Variants in CCDC102B observed in about 807,000 individuals in gnomAD.
The protein encoded by CCDC102B is coiled-coil domain containing 102B.
In CCDC102B, 75 loss-of-function variants were observed where a neutral mutation model predicts 57.4. The observed-to-expected ratio is 1.31, with a 90% confidence interval of 1.08 to 1.58. The LOEUF (loss-of-function observed/expected upper bound fraction) is 1.58. Among genes scored for constraint, CCDC102B ranks in the 40% most tolerant of loss-of-function variants. The probability of loss-of-function intolerance (pLI) is 0.00; values close to 1 mark genes in which losing one functional copy is unlikely to be tolerated. For missense variants in CCDC102B, 636 were observed against 582.6 expected, an observed-to-expected ratio of 1.09 and a Z score of -0.94; for synonymous variants, 206 against 201.9, an observed-to-expected ratio of 1.02 and a Z score of -0.17.
Position 68,860,453 on chromosome 18 carries a change from T to TA in CCDC102B, c.936+14041dup, listed in dbSNP as rs1243003803. Among the ~76,000 whole-genome samples the TA allele has an allele frequency of 1.8e-3, 122 of 68,402 alleles. 4 individuals carry two copies. Among genetic ancestry groups the TA allele is most frequent in the African/African-American group, 4.6e-3 (110 of 24,132 alleles). 44.9% of individuals were successfully genotyped at this position (68,402 alleles called of 152,430 possible). A position where few individuals can be genotyped will look rare whatever the true frequency, so the allele number is the denominator to read the frequency against. Reference sequence around the variant, plus strand: ...TGTACCCTAAAACTTAAAGTATAATTAAAAAAAAACAAAAACAAAAACAAA... The same window carrying TA: ...TGTACCCTAAAACTTAAAGTATAATTAAAAAAAAAACAAAAACAAAAACAAA... On this transcript the variant is annotated intron_variant, in intron 4 of 7. Coordinates refer to ENST00000360242, the MANE Select transcript of CCDC102B (RefSeq NM_024781.3).
intron 1 of CCDC102B, among the ~76,000 whole-genome samples, chr18:68,805,366 G>A (rs1026529604): frequency 1.2e-4 from 18 of 152,166 alleles, no homozygotes; most frequent in Non-Finnish European, 8.8e-5. Flanking sequence ...AGTGAGACCA[G>A]ATAGCAATGG....
chr18:68,804,690 G>T (rs2035971045), intron 1 of CCDC102B, among the ~76,000 whole-genome samples: 1 of 152,112 alleles, frequency 6.6e-6, no homozygotes, highest in South Asian at 2.1e-4. Context: ...GCCTGGAATT[G>T]ACCATTAGAT....
intron 4 of CCDC102B, among the ~76,000 whole-genome samples, chr18:68,872,104 T>C (rs1231271348): frequency 6.6e-6 from 1 of 152,120 alleles, no homozygotes; most frequent in Admixed American, 6.6e-5. Context: ...AAGGATGGTA[T>C]TGCCATTTAC....
intron 7 of CCDC102B, among the ~76,000 whole-genome samples, chr18:69,016,232 C>T (rs566842294): frequency 8.6e-5 from 13 of 151,994 alleles, no homozygotes; most frequent in East Asian, 5.8e-4. Flanking sequence ...TCAAAATAAC[C>T]GACCACTTTA....
chr18:68,790,637 C>G (rs2035420102), intron 2 of CCDC102B, among the ~76,000 whole-genome samples: 1 of 152,196 alleles, frequency 6.6e-6, no homozygotes, highest in African/African-American at 2.4e-5. Context: ...AAAGGGAACT[C>G]CCTGACCCCT....
chr18:69,032,181 C>G (rs1432288980), intron 7 of CCDC102B, among the ~76,000 whole-genome samples: 1 of 152,048 alleles, frequency 6.6e-6, no homozygotes, highest in Non-Finnish European at 1.5e-5. Context: ...AGGCACATAG[C>G]CCAGTACTCT....
At chr18:68,899,397 A>G (rs929756312) in intron 6 of CCDC102B, among the ~76,000 whole-genome samples, 3 of 152,102 alleles carry the variant, frequency 2.0e-5, no homozygotes, top group East Asian at 1.9e-4. Context: ...TTATATGTAT[A>G]TAACTACCAT....
In CCDC102B at chr18:69,011,105, G is replaced by A. The variant is rs926121228; in HGVS notation, c.1434+1G>A. On this transcript the variant is annotated splice_donor_variant, in intron 7 of 7. Transcript: ENST00000360242. LOFTEE classifies it high-confidence loss of function. Reference sequence around the variant, plus strand: ...GGGACTCAATCAAAAAGAAGATGAGGTACTACTTTATGAGTGAACACGTGC... The same window carrying A: ...GGGACTCAATCAAAAAGAAGATGAGATACTACTTTATGAGTGAACACGTGC... 1.1e-5 allele frequency: 17 copies of A among 1,611,828 alleles called. No homozygotes were observed. The highest frequency in any genetic ancestry group is 1.4e-5 in the Non-Finnish European group (17 of 1,178,892).
chr18:68,896,419 C>T (rs907348599), intron 5 of CCDC102B, among the ~76,000 whole-genome samples: 26 of 151,912 alleles, frequency 1.7e-4, no homozygotes, highest in African/African-American at 6.0e-4. Context: ...TACCATGCAG[C>T]CTTGGTTGAG....
intron 6 of CCDC102B, among the ~76,000 whole-genome samples, chr18:68,960,335 G>A (rs1317243588): frequency 7.5e-6 from 1 of 134,132 alleles, no homozygotes; most frequent in Non-Finnish European, 1.6e-5. Context: ...GGTAAGGCCT[G>A]TATTGGGGGC....
chr18:69,051,024 A>C (rs992938199), intron 7 of CCDC102B, among the ~76,000 whole-genome samples: 3 of 152,056 alleles, frequency 2.0e-5, no homozygotes, highest in Non-Finnish European at 4.4e-5. Context: ...AGCTGAGACT[A>C]CAGGCACGTG....
chr18:68,919,265 C>A (rs2041186991), intron 6 of CCDC102B, among the ~76,000 whole-genome samples: 1 of 151,978 alleles, frequency 6.6e-6, no homozygotes, highest in Admixed American at 6.6e-5. Context: ...TATATATGTA[C>A]ATATACACTG....
At position 69,000,035 on chromosome 18, in the gene CCDC102B, T is replaced by C. The variant is rs1172834482; in HGVS notation, c.1264-10899T>C. ...ATGTATCAAAGGAAACTCCATGTAATGAACAAAGAACTTTCACATAAGGAA... is the reference window on the plus strand; with the variant it reads ...ATGTATCAAAGGAAACTCCATGTAACGAACAAAGAACTTTCACATAAGGAA... On this transcript the variant is annotated intron_variant, in intron 6 of 7. Coordinates refer to ENST00000360242, the MANE Select transcript of CCDC102B (RefSeq NM_024781.3). Among the ~76,000 whole-genome samples, 7 of 152,306 alleles carry C rather than the reference T, an allele frequency of 4.6e-5. No individual in the cohort carries two copies. The East Asian group carries it at 9.6e-4, about 21-fold the overall frequency.
chr18:68,731,486 T>A (rs1160768871), intron 2 of CCDC102B, among the ~76,000 whole-genome samples: 2 of 152,062 alleles, frequency 1.3e-5, no homozygotes, highest in African/African-American at 4.8e-5. Context: ...TACCCTGGCT[T>A]CTTTTCATGG....
At chr18:68,882,404 A>G (rs1261160231) in intron 5 of CCDC102B, among the ~76,000 whole-genome samples, 1 of 152,224 alleles carries the variant, frequency 6.6e-6, no homozygotes, top group African/African-American at 2.4e-5. Context: ...AACTGATAGT[A>G]TTAATAAAAT....
chr18:69,049,835 A>T (rs1205766363), intron 7 of CCDC102B, among the ~76,000 whole-genome samples: 1 of 150,880 alleles, frequency 6.6e-6, no homozygotes, highest in Non-Finnish European at 1.5e-5. Context: ...TTTGAGACGG[A>T]GTCTCACTAT....
At chr18:68,827,929 T>C (rs904498062) in intron 1 of CCDC102B, among the ~76,000 whole-genome samples, 4 of 151,734 alleles carry the variant, frequency 2.6e-5, no homozygotes, top group Non-Finnish European at 5.9e-5. Context: ...GAGATGTCAC[T>C]TCAGAACAAA....
chr18:69,041,590 A>G (rs148376608), intron 7 of CCDC102B, among the ~76,000 whole-genome samples: 1 of 152,198 alleles, frequency 6.6e-6, no homozygotes, highest in African/African-American at 2.4e-5. Flanking sequence ...TAACTCCTTT[A>G]TATGCCCCCA....
At chr18:68,854,170 C>T (rs1052237526) in intron 4 of CCDC102B, among the ~76,000 whole-genome samples, 2 of 151,636 alleles carry the variant, frequency 1.3e-5, no homozygotes, top group African/African-American at 4.9e-5. Flanking sequence ...GCGCGATCTC[C>T]GCTCACTTCA....
Sources: allele counts gnomAD v4.1 joint callset (sites outside exome capture counted in the v4.1 genomes callset), GRCh38; gene constraint gnomAD v4.1.1; transcripts MANE v1.5; gene names NCBI Gene and HGNC (gene_info 2026-07-23, HGNC 2026-07-21).